Variants in IGFBPL1 observed in about 807,000 individuals in gnomAD.
The protein encoded by IGFBPL1 is insulin like growth factor binding protein like 1, also known as insulin-like growth factor-binding protein-like 1.
IGFBPL1 carries 20 observed loss-of-function variants against 23.9 expected under a neutral mutation model. The observed-to-expected ratio is 0.84, with a 90% CI of 0.59 to 1.22. The LOEUF (loss-of-function observed/expected upper bound fraction) is 1.22, where lower values mean the gene tolerates loss of function less well. Among genes scored for constraint, IGFBPL1 ranks in the 50% most tolerant of loss-of-function variants. The probability of loss-of-function intolerance (pLI) is 0.00; values close to 1 mark genes in which losing one functional copy is unlikely to be tolerated. For missense variants in IGFBPL1, 436 were observed against 379.3 expected (o/e 1.15, Z -1.24); for synonymous variants, 184 against 171.8 (o/e 1.07, Z -0.56).
chr9:38,424,101 G>T lies in IGFBPL1; in HGVS notation c.324C>A (p.Cys108Ter). 4 of 1,363,020 alleles carry T rather than the reference G, an allele frequency of 2.9e-6. No homozygotes were observed. The highest frequency in any genetic ancestry group is 3.8e-6 in the Non-Finnish European group (4 of 1,060,326). The allele number at this position is 1,363,020 out of a possible 1,614,324, so 84.4% of individuals were successfully genotyped here. ...AAPEGTGLCVCAQRGTVCGSD... is the reference protein window; with the variant it reads ...AAPEGTGLCV ...AGCCGCAGACGGTGCCGCGCTGCGC[G>T]CACACGCAGAGCCCGGTGCCCTCGG... The change falls in exon 1 of 5, where the codon TGC becomes TGA. Residue 108 changes from cysteine (C) to a stop codon, truncating the protein, a stop_gained. Transcript: ENST00000377694. LOFTEE classifies it high-confidence loss of function.
intron 4 of IGFBPL1, among the ~76,000 whole-genome samples, chr9:38,410,894 G>A (rs1821505420): frequency 6.6e-6 from 1 of 152,202 alleles, no homozygotes; most frequent in African/African-American, 2.4e-5. Flanking sequence ...CTACCCACAA[G>A]GAGATGTGTT....
intron 3 of IGFBPL1, among the ~76,000 whole-genome samples, chr9:38,412,666 G>C (rs901269372): frequency 1.8e-4 from 28 of 152,146 alleles, no homozygotes; most frequent in East Asian, 5.8e-4. Context: ...AGGCCCAAAG[G>C]GGGCTAAGAT....
Position 38,408,142 on chromosome 9 carries a change from A to C in IGFBPL1, c.*1085T>G, listed in dbSNP as rs1306758378. 6.6e-6 allele frequency among the ~76,000 whole-genome samples: 1 copy of C among 150,524 alleles called. No homozygotes were observed. Among genetic ancestry groups the C allele is most frequent in the Non-Finnish European group, 1.5e-5 (1 of 67,768 alleles). ...GAGAATGCTAGGCTAGGCCAAGCAC[A>C]GTGGCTGATGCCTATAATCCCAGCA... is the stretch of plus-strand genomic sequence containing the variant. On this transcript the variant is annotated 3_prime_UTR_variant, in exon 5 of 5. Transcript: ENST00000377694.
rs35229194 is a variant in IGFBPL1, at chr9:38,408,253, CAAAAAA to C, written c.*968_*973del. Among the ~76,000 whole-genome samples the C allele has an allele frequency of 1.0e-4, 7 of 70,178 alleles. No individual in the cohort carries two copies. The highest frequency in any genetic ancestry group is 9.8e-4 in the South Asian group (2 of 2,046). The allele number at this position is 70,178 out of a possible 152,430, so 46.0% of individuals were successfully genotyped here. On this transcript the variant is annotated 3_prime_UTR_variant, in exon 5 of 5. Transcript: ENST00000377694. ...GCAACATAGGGAGACCCTGTCTCTA[CAAAAAA>C]AAAAAAAAAAAAAAAAAAAATAGCT...
At position 38,413,325 on chromosome 9, in the gene IGFBPL1, G is replaced by A; in HGVS notation, c.599C>T (p.Ala200Val). Residue 200 changes from alanine to valine, a missense_variant, in exon 3 of 5, where the codon GCA (alanine) becomes GTA (valine). By Grantham distance (64) the Ala-to-Val change is moderately conservative. Transcript: ENST00000377694. ...ATGGTCCCCAGGCAGCTCCTCCAGT[G>A]CTTGGGTGCCCTCAGGGGACTTCGT... ...KVTKSPEGTQALEELPGDHVN... is the reference protein window; with the variant it reads ...KVTKSPEGTQVLEELPGDHVN... The A allele has an allele frequency of 6.2e-7, 1 of 1,613,778 alleles. No individual in the cohort carries two copies. The highest frequency in any genetic ancestry group is 8.5e-7 in the Non-Finnish European group (1 of 1,179,794).
chr9:38,407,209 C>A lies in IGFBPL1; in HGVS notation c.*2018G>T, dbSNP rs1337601053. Among the ~76,000 whole-genome samples, 2 of 152,258 alleles carry A rather than the reference C, an allele frequency of 1.3e-5. No homozygotes were observed. Among genetic ancestry groups the A allele is most frequent in the African/African-American group, 2.4e-5 (1 of 41,464 alleles). On this transcript the variant is annotated 3_prime_UTR_variant, in exon 5 of 5. Transcript: ENST00000377694. ...TCCAAACCCCAGTAGACAAGAACAG[C>A]TTCCAGTGCCATCCATTTCAATTCT...
intron 1 of IGFBPL1, among the ~76,000 whole-genome samples, chr9:38,421,299 A>G (rs1821673775): frequency 1.3e-5 from 2 of 151,776 alleles, no homozygotes. Flanking sequence ...AAAAAAAAAA[A>G]AAAAAAGGAT....
In IGFBPL1 at chr9:38,423,952, G is replaced by T; in HGVS notation, c.460+13C>A. 1.5e-6 allele frequency: 2 copies of T among 1,375,884 alleles called. No homozygotes were observed. The highest frequency in any genetic ancestry group is 3.3e-5 in the South Asian group (2 of 59,758). The allele number at this position is 1,375,884 out of a possible 1,614,324, so 85.2% of individuals were successfully genotyped here. A position where few individuals can be genotyped will look rare whatever the true frequency, so the allele number is the denominator to read the frequency against. ...CTCCTTCTCTACCCACCCAATCCCCGACCCTGACTCACCGAACTCGCAAGG... is the reference window on the plus strand; with the variant it reads ...CTCCTTCTCTACCCACCCAATCCCCTACCCTGACTCACCGAACTCGCAAGG... On this transcript the variant is annotated intron_variant, in intron 1 of 4. Transcript: ENST00000377694.
intron 1 of IGFBPL1, among the ~76,000 whole-genome samples, chr9:38,419,587 A>C (rs1162313354): frequency 6.6e-6 from 1 of 151,946 alleles, no homozygotes; most frequent in Non-Finnish European, 1.5e-5. Flanking sequence ...GCTGGCCGGG[A>C]CCCTGTTCCT....
At position 38,424,360 on chromosome 9, in the gene IGFBPL1, A is replaced by G; in HGVS notation, c.65T>C (p.Leu22Pro). 1.3e-6 allele frequency: 1 copy of G among 763,412 alleles called. No individual in the cohort carries two copies. The highest frequency in any genetic ancestry group is 1.6e-5 in the South Asian group (1 of 60,638). The allele number at this position is 763,412 out of a possible 1,614,324, so 47.3% of individuals were successfully genotyped here. The change falls in exon 1 of 5, where the codon CTG becomes CCG. Residue 22 changes from leucine to proline, a missense_variant. Physicochemically the swap from Leu to Pro is moderately conservative, Grantham distance 98. Transcript: ENST00000377694. ...GTCGCGGATCCCAAGGCTCGGGGACAGCGGCGGCAGCAGCGGCAGCAGCAG... is the reference window on the plus strand; with the variant it reads ...GTCGCGGATCCCAAGGCTCGGGGACGGCGGCGGCAGCAGCGGCAGCAGCAG... ...LLLLLPLLPP[L>P]SPSLGIRDVG...
chr9:38,414,801 G>A (rs998776544), intron 1 of IGFBPL1, among the ~76,000 whole-genome samples: 4 of 152,168 alleles, frequency 2.6e-5, no homozygotes, highest in Non-Finnish European at 5.9e-5. Context: ...CCAAGCCTGG[G>A]CAAATCAGGG....
At position 38,407,121 on chromosome 9, in the gene IGFBPL1, G is replaced by A. The variant is rs1236295542; in HGVS notation, c.*2106C>T. Reference sequence around the variant, plus strand: ...CACACATGGAAGTCAGTCACAGTGCGTGGAGAAGGGAGGGGCGGGAGGGGC... The same window carrying A: ...CACACATGGAAGTCAGTCACAGTGCATGGAGAAGGGAGGGGCGGGAGGGGC... On this transcript the variant is annotated 3_prime_UTR_variant, in exon 5 of 5. Transcript: ENST00000377694. Among the ~76,000 whole-genome samples the A allele has an allele frequency of 1.3e-5, 2 of 151,890 alleles. No individual in the cohort carries two copies. Among genetic ancestry groups the A allele is most frequent in the Non-Finnish European group, 2.9e-5 (2 of 67,984 alleles).
intron 4 of IGFBPL1, among the ~76,000 whole-genome samples, chr9:38,410,480 C>G (rs1404200537): frequency 4.7e-4 from 49 of 105,208 alleles, no homozygotes; most frequent in Middle Eastern, 5.1e-3. Flanking sequence ...GAGACTCTGT[C>G]TCAAAAAAAA....
In IGFBPL1 at chr9:38,408,694, T is replaced by C. The variant is rs1821467728; in HGVS notation, c.*533A>G. On this transcript the variant is annotated 3_prime_UTR_variant, in exon 5 of 5. Transcript: ENST00000377694. ...ATTTTCCCAAAAGGCCATCTTAATC[T>C]AGGATGGCAGGGCTAAAAGGGACAT... 6.6e-6 allele frequency among the ~76,000 whole-genome samples: 1 copy of C among 152,146 alleles called. No individual in the cohort carries two copies. The highest frequency in any genetic ancestry group is 1.5e-5 in the Non-Finnish European group (1 of 68,026).
intron 2 of IGFBPL1, 74 bp downstream of exon 2, chr9:38,414,014 GTCTGTT>G (rs1387741842): frequency 1.3e-6 from 1 of 752,918 alleles, no homozygotes; most frequent in East Asian, 2.5e-5. Context: ...TACCACTCAC[GTCTGTT>G]TCTCCCTCTT....
intron 1 of IGFBPL1, among the ~76,000 whole-genome samples, chr9:38,415,462 A>T (rs1821586767): frequency 6.6e-6 from 1 of 152,192 alleles, no homozygotes; most frequent in African/African-American, 2.4e-5. Context: ...AATGCTCAGG[A>T]GGATCAGGGT....
rs550390803 is a variant in IGFBPL1 at position 38,412,477 on chromosome 9, T to C, written c.687+760A>G. 7.9e-5 allele frequency among the ~76,000 whole-genome samples: 12 copies of C among 152,288 alleles called. No individual in the cohort carries two copies. In the South Asian group the frequency reaches 2.5e-3, roughly 32 times the overall value. On this transcript the variant is annotated intron_variant, in intron 3 of 4. Coordinates refer to ENST00000377694, the MANE Select transcript of IGFBPL1 (RefSeq NM_001007563.3). ...AAACATGTGGCATTCTTCATCTTGG[T>C]AAAAGTGCTGCGAGTGGCAGGAAAG...
At chr9:38,419,801 G>T (rs150292816) in intron 1 of IGFBPL1, among the ~76,000 whole-genome samples, 1 of 152,018 alleles carries the variant, frequency 6.6e-6, no homozygotes, top group Admixed American at 6.6e-5. Flanking sequence ...GAAGACCCAC[G>T]TATGAATAAT....
At chr9:38,421,870 C>T (rs1488512314) in intron 1 of IGFBPL1, among the ~76,000 whole-genome samples, 2 of 152,124 alleles carry the variant, frequency 1.3e-5, no homozygotes, top group Non-Finnish European at 2.9e-5. Context: ...AAGGCTGGTG[C>T]GGAAGAAGGG....
Sources: gnomAD v4.1 joint callset for allele counts (sites outside exome capture counted in the v4.1 genomes callset) on GRCh38, gnomAD v4.1.1 for gene constraint, MANE v1.5 for transcripts, NCBI Gene and HGNC (gene_info 2026-07-23, HGNC 2026-07-21) for gene names.